Variants in THSD7A observed in about 807,000 individuals in gnomAD.
THSD7A encodes thrombospondin type-1 domain-containing protein 7A.
A neutral mutation model predicts 231.3 loss-of-function variants in THSD7A; 96 were observed. The ratio of observed to expected loss-of-function variants is 0.41; its 90% CI spans 0.35 to 0.49. The LOEUF (loss-of-function observed/expected upper bound fraction) is 0.49, where lower values mean the gene tolerates loss of function less well. Among genes scored for constraint, THSD7A ranks in the 20% least tolerant of loss-of-function variants. THSD7A has a pLI of 0.05. For missense variants in THSD7A, 2,290 were observed against 2,070.2 expected (o/e 1.11, Z -2.06); for synonymous variants, 940 against 743.3 (o/e 1.26, Z -4.30).
chr7:11,664,607 A>G (rs1783050737), intron 1 of THSD7A, among the ~76,000 whole-genome samples: 5 of 152,004 alleles, frequency 3.3e-5, no homozygotes, highest in Admixed American at 3.3e-4. Context: ...CATCAACCAT[A>G]ATATCATTGT....
At chr7:11,452,309 CA>C (rs1328069731) in intron 11 of THSD7A, among the ~76,000 whole-genome samples, 4 of 151,944 alleles carry the variant, frequency 2.6e-5, no homozygotes, top group Admixed American at 2.6e-4. Flanking sequence ...GAAATAAGAT[CA>C]AACCTATAAA....
At chr7:11,585,226 T>A (rs1791349033) in intron 4 of THSD7A, among the ~76,000 whole-genome samples, 1 of 152,164 alleles carries the variant, frequency 6.6e-6, no homozygotes, top group Non-Finnish European at 1.5e-5. Context: ...GCATGAGTTT[T>A]TATTACCTTT....
chr7:11,490,089 A>G (rs1449283652), intron 6 of THSD7A, among the ~76,000 whole-genome samples: 2 of 152,000 alleles, frequency 1.3e-5, no homozygotes, highest in African/African-American at 4.8e-5. Context: ...ATTTATGTTC[A>G]TATTTTTCCT....
chr7:11,790,487 G>T (rs1438723371), intron 1 of THSD7A, among the ~76,000 whole-genome samples: 1 of 151,846 alleles, frequency 6.6e-6, no homozygotes, highest in Non-Finnish European at 1.5e-5. Flanking sequence ...CAACAGGAAG[G>T]ATTCATGTCT....
At chr7:11,774,145 T>C (rs1343212130) in intron 1 of THSD7A, among the ~76,000 whole-genome samples, 2 of 152,186 alleles carry the variant, frequency 1.3e-5, no homozygotes. Flanking sequence ...CAAGACTTAT[T>C]ATTCAGCCTT....
At chr7:11,428,012 T>C (rs1784374033) in intron 14 of THSD7A, among the ~76,000 whole-genome samples, 1 of 152,188 alleles carries the variant, frequency 6.6e-6, no homozygotes, top group Non-Finnish European at 1.5e-5. Flanking sequence ...AATTCCAAGG[T>C]TCTTTCTGTT....
chr7:11,556,598 C>G (rs1789856125), intron 4 of THSD7A, among the ~76,000 whole-genome samples: 1 of 151,738 alleles, frequency 6.6e-6, no homozygotes, highest in Non-Finnish European at 1.5e-5. Context: ...AGGTTTCTTC[C>G]TTTAATCTTT....
chr7:11,542,447 G>C (rs1284330057), intron 5 of THSD7A, among the ~76,000 whole-genome samples: 1 of 152,116 alleles, frequency 6.6e-6, no homozygotes, highest in Non-Finnish European at 1.5e-5. Context: ...TCTATCATTT[G>C]CATATGAAAG....
chr7:11,629,056 G>A (rs1320432192), intron 2 of THSD7A, among the ~76,000 whole-genome samples: 1 of 152,280 alleles, frequency 6.6e-6, no homozygotes, highest in East Asian at 1.9e-4. Context: ...GAGGACTGCT[G>A]GATACAGGCA....
In THSD7A at chr7:11,831,649, A is replaced by T; in HGVS notation, c.190+108T>A. The T allele has an allele frequency of 1.4e-6, 1 of 714,834 alleles. No individual in the cohort carries two copies. The highest frequency in any genetic ancestry group is 1.9e-6 in the Non-Finnish European group (1 of 515,906). The allele number at this position is 714,834 out of a possible 1,614,324, so 44.3% of individuals were successfully genotyped here. On this transcript the variant is annotated intron_variant, in intron 1 of 27. Transcript: ENST00000423059. The surrounding 1 kb of genome is among the most constrained non-coding windows in gnomAD (Gnocchi z 5.0). Reference sequence around the variant, plus strand: ...ATCATACTTTTTACCTTAGGATACCAGCATAACCAAGCCATCCAAAAGCAC... The same window carrying T: ...ATCATACTTTTTACCTTAGGATACCTGCATAACCAAGCCATCCAAAAGCAC...
chr7:11,553,482 G>C (rs1356130155), intron 4 of THSD7A, among the ~76,000 whole-genome samples: 1 of 152,012 alleles, frequency 6.6e-6, no homozygotes, highest in African/African-American at 2.4e-5. Context: ...CTGGATTTCA[G>C]TTTATACTGA....
chr7:11,692,404 A>G (rs1416068418), intron 1 of THSD7A, among the ~76,000 whole-genome samples: 1 of 151,572 alleles, frequency 6.6e-6, no homozygotes, highest in Non-Finnish European at 1.5e-5. Context: ...ATCATTTCCC[A>G]CTGAAAAATA....
At chr7:11,669,800 AG>A (rs1783301425) in intron 1 of THSD7A, among the ~76,000 whole-genome samples, 2 of 152,098 alleles carry the variant, frequency 1.3e-5, no homozygotes, top group African/African-American at 4.8e-5. Context: ...ATTAGGAAAA[AG>A]ACATGCTCCC....
At chr7:11,613,856 C>T (rs1398928118) in intron 2 of THSD7A, among the ~76,000 whole-genome samples, 2 of 152,174 alleles carry the variant, frequency 1.3e-5, no homozygotes, top group Non-Finnish European at 2.9e-5. Flanking sequence ...TATTATGTCT[C>T]CCATGCTTCT....
intron 1 of THSD7A, among the ~76,000 whole-genome samples, chr7:11,786,430 C>T (rs1424156029): frequency 2.0e-5 from 3 of 152,028 alleles, no homozygotes; most frequent in Non-Finnish European, 4.4e-5. Flanking sequence ...CATTTTCTGC[C>T]TGGAATGTGG....
At position 11,614,563 on chromosome 7, in the gene THSD7A, G is replaced by T. The variant is rs138417049; in HGVS notation, c.1023-21061C>A. 9.9e-4 allele frequency among the ~76,000 whole-genome samples: 150 copies of T among 152,274 alleles called. 1 individual carries two copies. The highest frequency in any genetic ancestry group is 3.5e-3 in the African/African-American group (147 of 41,558). On this transcript the variant is annotated intron_variant, in intron 2 of 27. Coordinates refer to ENST00000423059, the MANE Select transcript of THSD7A (RefSeq NM_015204.3). ...ATTAAAGTTTGGGGTCACTTCCCAA[G>T]ATAAAGAATACTGAATAGCTGGATA...
intron 6 of THSD7A, among the ~76,000 whole-genome samples, chr7:11,504,307 T>C (rs946840917): frequency 1.4e-4 from 22 of 152,172 alleles, no homozygotes; most frequent in African/African-American, 5.3e-4. Flanking sequence ...TGGCGTCCAC[T>C]TGATGGGAAG....
intron 2 of THSD7A, among the ~76,000 whole-genome samples, chr7:11,621,607 C>T (rs1354727571): frequency 6.6e-6 from 1 of 151,922 alleles, no homozygotes; most frequent in East Asian, 1.9e-4. Context: ...TCATAGAGTT[C>T]CTGTAGACAC....
chr7:11,432,345 G>A lies in THSD7A; in HGVS notation c.3065-3220C>T, dbSNP rs138863081. Among the ~76,000 whole-genome samples the A allele has an allele frequency of 2.5e-3, 376 of 152,200 alleles. 1 individual carries two copies. Among genetic ancestry groups the A allele is most frequent in the African/African-American group, 8.7e-3 (360 of 41,550 alleles). On this transcript the variant is annotated intron_variant, in intron 13 of 27. Transcript: ENST00000423059. ...TAGTATCTCCTATACATTTGTCAAA[G>A]ATATTTGTTTTAAACTTCGTATTGT...
Sources: allele counts gnomAD v4.1 joint callset (sites outside exome capture counted in the v4.1 genomes callset), GRCh38; gene constraint gnomAD v4.1.1; non-coding constraint Gnocchi (gnomAD v3.1); transcripts MANE v1.5; gene names NCBI Gene and HGNC (gene_info 2026-07-23, HGNC 2026-07-21).